The following PDLIM5 variants were observed in gnomAD, a reference collection of about 807,000 sequenced individuals.
PDLIM5 encodes PDZ and LIM domain 5.
A neutral mutation model predicts 64.2 loss-of-function variants in PDLIM5; 34 were observed. The ratio of observed to expected loss-of-function variants is 0.53; its 90% CI spans 0.40 to 0.71. The LOEUF (loss-of-function observed/expected upper bound fraction) is 0.71, where lower values mean the gene tolerates loss of function less well. Ranked by LOEUF, PDLIM5 falls within the 30% of genes least tolerant of loss-of-function variation. The pLI is 0.00. For missense variants in PDLIM5, 683 were observed against 733.6 expected (o/e 0.93, Z 0.80); for synonymous variants, 253 against 269.1 (o/e 0.94, Z 0.59).
intron 3 of PDLIM5, among the ~76,000 whole-genome samples, chr4:94,530,039 G>C (rs1314600518): frequency 6.6e-6 from 1 of 152,062 alleles, no homozygotes; most frequent in Non-Finnish European, 1.5e-5. Context: ...CTATGAAAAA[G>C]GTGTTTAACT....
chr4:94,663,887 GA>G (rs1283861428), intron 12 of PDLIM5, 90 bp from the exon 13 acceptor site: 14 of 1,342,142 alleles, frequency 1.0e-5, no homozygotes, highest in South Asian at 6.8e-5. Flanking sequence ...CCATTGGGGG[GA>G]AAAATCACTC....
In PDLIM5 at chr4:94,456,245, C is replaced by CTGGA. The variant is rs1199743448; in HGVS notation, c.96+862_96+865dup. The CTGGA allele has an allele frequency of 4.1e-5, 19 of 466,028 alleles. No homozygotes were observed. The South Asian group carries it at 5.7e-4, about 14-fold the overall frequency. The allele number at this position is 466,028 out of a possible 1,614,324, so 28.9% of individuals were successfully genotyped here. ...CAGAGTTTTGTTCTTGTTGCCCAGG[C>CTGGA]TGGAGTGCAGTGGCGCAATCTCGGC... On this transcript the variant is annotated intron_variant, in intron 2 of 12. Transcript: ENST00000317968.
chr4:94,470,892 TCA>T (rs1327545600), intron 2 of PDLIM5, among the ~76,000 whole-genome samples: 1 of 152,176 alleles, frequency 6.6e-6, no homozygotes, highest in East Asian at 1.9e-4. Flanking sequence ...TTTAATTGAC[TCA>T]CAGTTCCACA....
At chr4:94,586,366 A>C (rs999396221) in intron 6 of PDLIM5, 42 bp from the exon 7 acceptor site, 3 of 1,142,104 alleles carry the variant, frequency 2.6e-6, no homozygotes, top group Admixed American at 1.9e-5. Context: ...TTTGAAGTTA[A>C]ACAAAACAAA....
chr4:94,518,091 G>T (rs1380304195), intron 2 of PDLIM5, among the ~76,000 whole-genome samples: 1 of 152,144 alleles, frequency 6.6e-6, no homozygotes, highest in Non-Finnish European at 1.5e-5. Flanking sequence ...AGACATTGGA[G>T]TCACTGTTGC....
intron 2 of PDLIM5, among the ~76,000 whole-genome samples, chr4:94,492,637 C>T (rs1488734240): frequency 1.3e-5 from 2 of 152,096 alleles, no homozygotes; most frequent in Admixed American, 6.6e-5. Flanking sequence ...CATATGTGTC[C>T]TTTTATGTCT....
intron 2 of PDLIM5, among the ~76,000 whole-genome samples, chr4:94,513,601 A>C (rs951240654): frequency 3.9e-5 from 6 of 152,300 alleles, no homozygotes; most frequent in African/African-American, 1.4e-4. Flanking sequence ...TATTAGTTCT[A>C]AATGGTTTGT....
chr4:94,550,890 A>G lies in PDLIM5; in HGVS notation c.249-22461A>G, dbSNP rs1025826021. Among the ~76,000 whole-genome samples the G allele has an allele frequency of 3.9e-5, 6 of 152,278 alleles. No homozygotes were observed. The East Asian group carries it at 9.6e-4, about 24-fold the overall frequency. The stretch of plus-strand genomic sequence containing the variant: ...CTTTTCTTTGAAATATACTCACCTA[A>G]ACTGGGGTTGAGGTCTGTATGGCAA... On this transcript the variant is annotated intron_variant, in intron 3 of 12. Transcript: ENST00000317968.
At chr4:94,465,544 G>A (rs1384965867) in intron 2 of PDLIM5, among the ~76,000 whole-genome samples, 1 of 152,034 alleles carries the variant, frequency 6.6e-6, no homozygotes, top group Non-Finnish European at 1.5e-5. Context: ...GGGACTACAG[G>A]CCTGTGCCAC....
chr4:94,466,397 G>C (rs1490991413), intron 2 of PDLIM5, among the ~76,000 whole-genome samples: 4 of 152,140 alleles, frequency 2.6e-5, no homozygotes, highest in African/African-American at 9.7e-5. Flanking sequence ...TCATCAGTGA[G>C]ACTTTGAAAG....
chr4:94,467,680 A>G (rs1447891254), intron 2 of PDLIM5, among the ~76,000 whole-genome samples: 6 of 152,132 alleles, frequency 3.9e-5, no homozygotes, highest in Admixed American at 3.9e-4. Flanking sequence ...TTAAGTTTCT[A>G]GGAAGTATCC....
At chr4:94,593,774 C>T (rs961064689) in intron 7 of PDLIM5, among the ~76,000 whole-genome samples, 1 of 152,146 alleles carries the variant, frequency 6.6e-6, no homozygotes, top group African/African-American at 2.4e-5. Context: ...CTCATTTTGA[C>T]AGATTGTCAT....
At chr4:94,455,616 G>GA (rs1723268551) in intron 2 of PDLIM5, 1 of 662,334 alleles carries the variant, frequency 1.5e-6, no homozygotes, top group African/African-American at 1.8e-5. Flanking sequence ...TAATAAAATG[G>GA]AAAAAGCATT....
intron 7 of PDLIM5, among the ~76,000 whole-genome samples, chr4:94,589,130 G>A (rs1441559643): frequency 6.6e-6 from 1 of 152,118 alleles, no homozygotes; most frequent in East Asian, 1.9e-4. Flanking sequence ...AAAAGATGAT[G>A]TCTGAGAGAC....
rs141047860 is a variant in PDLIM5, at chr4:94,468,038, A to C, written c.96+12654A>C. ...TGAACCTAATACCTCAGATATGTTA[A>C]GACCAATGCAAAGTTTTAATTATGA... is the stretch of plus-strand genomic sequence containing the variant. On this transcript the variant is annotated intron_variant, in intron 2 of 12. Coordinates refer to ENST00000317968, the MANE Select transcript of PDLIM5 (RefSeq NM_006457.5). Among the ~76,000 whole-genome samples, 25 of 152,374 alleles carry C rather than the reference A, an allele frequency of 1.6e-4. 1 individual carries two copies. Among genetic ancestry groups the C allele is most frequent in the African/African-American group, 6.0e-4 (25 of 41,584 alleles).
chr4:94,585,051 A>G (rs1409917355), intron 5 of PDLIM5: 14 of 963,586 alleles, frequency 1.5e-5, no homozygotes, highest in Non-Finnish European at 2.2e-5. Flanking sequence ...TTATATTAAC[A>G]TTATAAGTGC....
rs1578462964 is a variant in PDLIM5, at chr4:94,608,284, A to T, written c.921-9720A>T. 9.5e-6 allele frequency: 6 copies of T among 628,672 alleles called. No homozygotes were observed. The East Asian group carries it at 1.2e-4, about 13-fold the overall frequency. The allele number at this position is 628,672 out of a possible 1,614,324, so 38.9% of individuals were successfully genotyped here. ...AATGATTGTTGATTACAGAACGGAC[A>T]TCATTAACCTATAGACAAGAAAGCT... On this transcript the variant is annotated intron_variant, in intron 7 of 12. Transcript: ENST00000317968.
intron 5 of PDLIM5, chr4:94,585,143 T>G (rs1736064579): frequency 1.8e-6 from 1 of 552,926 alleles, no homozygotes; most frequent in Non-Finnish European, 3.2e-6. Flanking sequence ...CAGGCTGGAG[T>G]GCAGTGGTGC....
chr4:94,618,315 G>GTT, intron 8 of PDLIM5, 124 bp downstream of exon 8: 2 of 563,310 alleles, frequency 3.6e-6, no homozygotes, highest in South Asian at 6.4e-5. Flanking sequence ...ATTTAGAAAG[G>GTT]ACTATCAGGA....
Sources: allele counts gnomAD v4.1 joint callset (sites outside exome capture counted in the v4.1 genomes callset), GRCh38; gene constraint gnomAD v4.1.1; transcripts MANE v1.5; gene names NCBI Gene and HGNC (gene_info 2026-07-23, HGNC 2026-07-21).